Variants in ATAD2 observed in about 807,000 individuals in gnomAD.
The protein encoded by ATAD2 is ATPase family AAA domain-containing protein 2.
ATAD2 carries 62 observed loss-of-function variants against 168.9 expected under a neutral mutation model. The observed-to-expected ratio is 0.37, with a 90% confidence interval of 0.30 to 0.45. The LOEUF is 0.45. Ranked by LOEUF, ATAD2 falls within the 20% of genes least tolerant of loss-of-function variation. ATAD2 has a pLI of 1.00. For missense variants in ATAD2, 1,419 were observed against 1,667.8 expected, an observed-to-expected ratio of 0.85 and a Z score of 2.60; for synonymous variants, 613 against 571.6, an observed-to-expected ratio of 1.07 and a Z score of -1.03.
At position 123,348,009 on chromosome 8, in the gene ATAD2, A is replaced by T. The variant is rs564189536; in HGVS notation, c.1897+174T>A. 39 of 669,844 alleles carry T rather than the reference A, an allele frequency of 5.8e-5. No homozygotes were observed. The Admixed American group carries it at 9.1e-4, about 16-fold the overall frequency. 41.5% of individuals were successfully genotyped at this position (669,844 alleles called of 1,614,324 possible). A position where few individuals can be genotyped will look rare whatever the true frequency, so the allele number is the denominator to read the frequency against. On this transcript the variant is annotated intron_variant, in intron 15 of 27. Coordinates refer to ENST00000287394, the MANE Select transcript of ATAD2 (RefSeq NM_014109.4). ...GAAGAAAATGCCACAAATAAGAGAT[A>T]AGAAACAAATATAACCTTGTATTTC...
At chr8:123,403,812 G>T (rs143588939) in intron 1 of ATAD2, among the ~76,000 whole-genome samples, 6 of 152,248 alleles carry the variant, frequency 3.9e-5, no homozygotes, top group Non-Finnish European at 8.8e-5. Flanking sequence ...CATAGATGGG[G>T]GATCTATTTC....
chr8:123,356,238 T>G (rs111326662), intron 13 of ATAD2, 151 bp downstream of exon 13: 1 of 471,874 alleles, frequency 2.1e-6, no homozygotes, highest in East Asian at 3.8e-5. Context: ...CCACATTTTT[T>G]ATTTTTGTAC....
chr8:123,354,766 A>G (rs989443203), intron 13 of ATAD2, among the ~76,000 whole-genome samples: 3 of 134,860 alleles, frequency 2.2e-5, no homozygotes, highest in African/African-American at 5.6e-5. Context: ...GGAACCTGGG[A>G]GATGGGGGTT....
intron 10 of ATAD2, 41 bp from the exon 11 acceptor site, chr8:123,359,377 T>A (rs767167277): frequency 6.8e-7 from 1 of 1,472,780 alleles, no homozygotes; most frequent in South Asian, 1.2e-5. Context: ...AGATTTGGAG[T>A]CCAGATTAAA....
At chr8:123,329,492 G>T (rs7007690) in intron 24 of ATAD2, among the ~76,000 whole-genome samples, 3 of 152,092 alleles carry the variant, frequency 2.0e-5, no homozygotes, top group East Asian at 1.9e-4. Flanking sequence ...GCTGGGCGCG[G>T]TGGCTCACGC....
chr8:123,404,419 C>T (rs1329269717), intron 1 of ATAD2, among the ~76,000 whole-genome samples: 3 of 152,142 alleles, frequency 2.0e-5, no homozygotes, highest in African/African-American at 7.2e-5. Context: ...CTATTCCATG[C>T]CTGTCTCCCA....
chr8:123,370,465 T>A (rs879926256), intron 6 of ATAD2, among the ~76,000 whole-genome samples: 1 of 152,030 alleles, frequency 6.6e-6, no homozygotes, highest in Non-Finnish European at 1.5e-5. Context: ...TGTCATGGAG[T>A]TACACGCTGC....
At chr8:123,338,152 C>T (rs1047004186) in intron 20 of ATAD2, among the ~76,000 whole-genome samples, 2 of 152,020 alleles carry the variant, frequency 1.3e-5, no homozygotes, top group East Asian at 1.9e-4. Context: ...GTCAGGAGAT[C>T]GAGACCACCC....
chr8:123,395,168 C>A (rs1207419519), intron 1 of ATAD2, among the ~76,000 whole-genome samples: 1 of 152,174 alleles, frequency 6.6e-6, no homozygotes, highest in Non-Finnish European at 1.5e-5. Context: ...CTACTCCATG[C>A]CTACCCTCAC....
chr8:123,358,182 A>C (rs1828704267), intron 11 of ATAD2, among the ~76,000 whole-genome samples: 1 of 152,168 alleles, frequency 6.6e-6, no homozygotes, highest in African/African-American at 2.4e-5. Flanking sequence ...AATATTAATA[A>C]CTTTCTGACT....
intron 2 of ATAD2, among the ~76,000 whole-genome samples, chr8:123,373,661 C>T (rs949032886): frequency 1.3e-5 from 2 of 151,680 alleles, no homozygotes; most frequent in Admixed American, 6.6e-5. Flanking sequence ...TGGTGGCAGG[C>T]GCCTGTAGTC....
chr8:123,396,738 CG>C (rs1169373805), upstream of ATAD2, among the ~76,000 whole-genome samples: 1 of 152,218 alleles, frequency 6.6e-6, no homozygotes, highest in South Asian at 2.1e-4. Flanking sequence ...AATTTTGGCG[CG>C]GGACGGCGGC....
intron 1 of ATAD2, 60 bp downstream of exon 1, chr8:123,396,127 C>G: frequency 6.8e-7 from 1 of 1,479,266 alleles, no homozygotes; most frequent in South Asian, 1.3e-5. Flanking sequence ...CTCCGAGCGC[C>G]GGGCTGCCGG....
In ATAD2 at chr8:123,396,328, C is replaced by G. The variant is rs760726039; in HGVS notation, c.30G>C (p.Leu10=). The change falls in exon 1 of 28, where the codon CTG becomes CTC. Residue 10 remains leucine, a synonymous_variant. Coordinates refer to ENST00000287394, the MANE Select transcript of ATAD2 (RefSeq NM_014109.4). ...TGGCCGAGGCCGCGGAGTGGTTGTG[C>G]AGCTCCAAGCTGCTGCGGAGAACCA... MVVLRSSLE[L]HNHSAASATG... is the part of the protein sequence containing the mutation. 1 of 1,602,568 alleles carries G rather than the reference C, an allele frequency of 6.2e-7. No homozygotes were observed. The highest frequency in any genetic ancestry group is 1.7e-5 in the Admixed American group (1 of 59,548).
intron 1 of ATAD2, among the ~76,000 whole-genome samples, chr8:123,389,266 G>T (rs1232197517): frequency 1.3e-4 from 19 of 145,170 alleles, no homozygotes; most frequent in Non-Finnish European, 1.9e-4. Flanking sequence ...GTGAGCCACC[G>T]TGCCCGGCCT....
intron 1 of ATAD2, among the ~76,000 whole-genome samples, chr8:123,413,475 A>G (rs1038786621): frequency 2.6e-5 from 4 of 152,178 alleles, no homozygotes; most frequent in African/African-American, 9.7e-5. Flanking sequence ...CACCCATTAG[A>G]TAAGCACTCT....
At chr8:123,335,431 T>C (rs993314182) in intron 22 of ATAD2, among the ~76,000 whole-genome samples, 1 of 152,186 alleles carries the variant, frequency 6.6e-6, no homozygotes, top group East Asian at 1.9e-4. Context: ...AGTAGTTTCC[T>C]ATACTAATCA....
chr8:123,385,905 A>G (rs1319103562), intron 1 of ATAD2, among the ~76,000 whole-genome samples: 1 of 152,140 alleles, frequency 6.6e-6, no homozygotes, highest in Non-Finnish European at 1.5e-5. Context: ...ATTTCTCCAA[A>G]GATAGACAAA....
intron 13 of ATAD2, among the ~76,000 whole-genome samples, chr8:123,353,870 C>T (rs1037942372): frequency 6.6e-5 from 10 of 152,120 alleles, no homozygotes; most frequent in Non-Finnish European, 1.3e-4. Context: ...GGGTGGCTCA[C>T]GCCTGTAATC....
Sources: gnomAD v4.1 joint callset for allele counts (sites outside exome capture counted in the v4.1 genomes callset) on GRCh38, gnomAD v4.1.1 for gene constraint, MANE v1.5 for transcripts, NCBI Gene and HGNC (gene_info 2026-07-23, HGNC 2026-07-21) for gene names.